The following PCDHGA7 variants were observed in gnomAD, a reference collection of about 807,000 sequenced individuals.
PCDHGA7 encodes protocadherin gamma subfamily A, 7.
PCDHGA7 carries 44 observed loss-of-function variants against 58.3 expected under a neutral mutation model. The ratio of observed to expected loss-of-function variants is 0.75; its 90% CI spans 0.59 to 0.97. The LOEUF is 0.97. Ranked by LOEUF, PCDHGA7 falls within the 50% of genes least tolerant of loss-of-function variation. The pLI is 0.00. For missense variants in PCDHGA7, 1,266 were observed against 1,188.7 expected, an observed-to-expected ratio of 1.06 and a Z score of -0.96; for synonymous variants, 516 against 504.2, an observed-to-expected ratio of 1.02 and a Z score of -0.31.
rs199973289 is a variant in PCDHGA7, at chr5:141,393,414, G to A, written c.2424+8091G>A. On this transcript the variant is annotated intron_variant, in intron 1 of 3. Transcript: ENST00000518325. ...AGAGCTGGTGCTGGAGCGCGCCCTG[G>A]ACAGGGAGGAAGAGGCTGCTCACCA... 7 of 1,614,038 alleles carry A rather than the reference G, an allele frequency of 4.3e-6. No individual in the cohort carries two copies. In the East Asian group the frequency reaches 1.3e-4, roughly 31 times the overall value.
rs1386737349 is a variant in PCDHGA7 at position 141,486,423 on chromosome 5, C to T, written c.2425-8384C>T. The T allele has an allele frequency of 6.2e-7, 1 of 1,614,042 alleles. No individual in the cohort carries two copies. The highest frequency in any genetic ancestry group is 8.5e-7 in the Non-Finnish European group (1 of 1,180,030). ...ACTGCTGGACCCTTGGATCGAGAGG[C>T]CAAATCTAGCTATGACATCATGGTC... is the stretch of plus-strand genomic sequence containing the variant. On this transcript the variant is annotated intron_variant, in intron 1 of 3. Transcript: ENST00000518325. The surrounding 1 kb of genome is among the most constrained non-coding windows in gnomAD (Gnocchi z 5.0).
intron 1 of PCDHGA7, chr5:141,400,270 T>G: frequency 6.2e-7 from 1 of 1,614,058 alleles, no homozygotes; most frequent in Non-Finnish European, 8.5e-7. Flanking sequence ...GCGACGCTCC[T>G]CCAGCCCTGC....
In PCDHGA7 at chr5:141,384,334, C is replaced by T; in HGVS notation, c.1435C>T (p.His479Tyr). 6.2e-7 allele frequency: 1 copy of T among 1,613,846 alleles called. No homozygotes were observed. Residue 479 changes from histidine to tyrosine, a missense_variant, in exon 1 of 4, where the codon CAC (histidine) becomes TAC (tyrosine). By Grantham distance (83) the His-to-Tyr change is moderately conservative (BLOSUM62 2). Transcript: ENST00000518325. ...ASIFLVTAQD[H>Y]DSEDNAQITY... ...CATTTTCTTAGTGACTGCACAGGAC[C>T]ACGACAGTGAGGATAATGCCCAGAT...
chr5:141,409,188 C>T lies in PCDHGA7; in HGVS notation c.2424+23865C>T, dbSNP rs1487313582. ...GCGAAGGACGGAGGTGGTCTCTCTA[C>T]CCAGTGTAAAGTAATCATAGAAATC... On this transcript the variant is annotated intron_variant, in intron 1 of 3. Transcript: ENST00000518325. 9 of 1,613,880 alleles carry T rather than the reference C, an allele frequency of 5.6e-6. No homozygotes were observed. In the Admixed American group the frequency reaches 8.3e-5, roughly 15 times the overall value.
intron 1 of PCDHGA7, chr5:141,394,449 A>T: frequency 6.2e-7 from 1 of 1,614,230 alleles, no homozygotes; most frequent in Non-Finnish European, 8.5e-7. Context: ...CAGCAGCAAC[A>T]TGTCACTGAG....
chr5:141,385,638 T>C lies in PCDHGA7; in HGVS notation c.2424+315T>C, dbSNP rs773812795. 80 of 831,646 alleles carry C rather than the reference T, an allele frequency of 9.6e-5. 1 individual carries two copies. Among genetic ancestry groups the C allele is most frequent in the Non-Finnish European group, 1.2e-4 (78 of 652,914 alleles). 51.5% of individuals were successfully genotyped at this position (831,646 alleles called of 1,614,324 possible). A position where few individuals can be genotyped will look rare whatever the true frequency, so the allele number is the denominator to read the frequency against. ...TATACATTGGAATGAATCGAGTCTT[T>C]CATATTGCACAAGGTTAGCAGGAAT... is the stretch of plus-strand genomic sequence containing the variant. On this transcript the variant is annotated intron_variant, in intron 1 of 3. Transcript: ENST00000518325.
Position 141,383,719 on chromosome 5 carries a change from A to C in PCDHGA7, c.820A>C (p.Asn274His), listed in dbSNP as rs779948364. The C allele has an allele frequency of 6.2e-6, 10 of 1,613,982 alleles. No individual in the cohort carries two copies. The East Asian group carries it at 2.2e-4, about 36-fold the overall frequency. Reference protein sequence around the residue: ...VHAIDLDEGVNGEVTYSFRKI... With the variant: ...VHAIDLDEGVHGEVTYSFRKI... ...TGCTATCGACCTGGACGAGGGAGTCAATGGGGAAGTGACATATTCTTTTCG... is the reference window on the plus strand; with the variant it reads ...TGCTATCGACCTGGACGAGGGAGTCCATGGGGAAGTGACATATTCTTTTCG... Residue 274 changes from asparagine to histidine, a missense_variant, in exon 1 of 4, where the codon AAT becomes CAT. Transcript: ENST00000518325.
intron 1 of PCDHGA7, among the ~76,000 whole-genome samples, chr5:141,473,017 AGAAG>A (rs1484773075): frequency 7.0e-4 from 107 of 151,874 alleles, no homozygotes; most frequent in Middle Eastern, 3.4e-3. Flanking sequence ...AGAAAAAGAA[AGAAG>A]GAAGGAAGGA....
At position 141,468,868 on chromosome 5, in the gene PCDHGA7, A is replaced by AAAT. The variant is rs993655754; in HGVS notation, c.2425-25921_2425-25919dup. Among the ~76,000 whole-genome samples, 30 of 151,912 alleles carry AAAT rather than the reference A, an allele frequency of 2.0e-4. No homozygotes were observed. The East Asian group carries it at 4.3e-3, about 22-fold the overall frequency. On this transcript the variant is annotated intron_variant, in intron 1 of 3. Coordinates refer to ENST00000518325, the MANE Select transcript of PCDHGA7 (RefSeq NM_018920.4). ...GCAACAGAGCGAGACTCCATCTCAAAAATAATAATAATAATAATAAGGTAC... is the reference window on the plus strand; with the variant it reads ...GCAACAGAGCGAGACTCCATCTCAAAAATAATAATAATAATAATAATAAGGTAC...
chr5:141,450,278 G>A (rs977381598), intron 1 of PCDHGA7, among the ~76,000 whole-genome samples: 1 of 152,026 alleles, frequency 6.6e-6, no homozygotes, highest in Non-Finnish European at 1.5e-5. Flanking sequence ...TCAGCTAAGT[G>A]CTGGGATTAC....
chr5:141,465,995 A>C lies in PCDHGA7; in HGVS notation c.2425-28812A>C, dbSNP rs551920109. On this transcript the variant is annotated intron_variant, in intron 1 of 3. Coordinates refer to ENST00000518325, the MANE Select transcript of PCDHGA7 (RefSeq NM_018920.4). ...AAATTAGCCGGGCATGGTGGCAGGC[A>C]CCTGTAGTCCCAGCTACTCGGGAGG... Among the ~76,000 whole-genome samples the C allele has an allele frequency of 1.3e-4, 20 of 151,982 alleles. No homozygotes were observed. In the South Asian group the frequency reaches 4.2e-3, roughly 32 times the overall value.
At position 141,486,873 on chromosome 5, in the gene PCDHGA7, G is replaced by A. The variant is rs769661146; in HGVS notation, c.2425-7934G>A. On this transcript the variant is annotated intron_variant, in intron 1 of 3. Transcript: ENST00000518325. This position sits in a 1 kb window ranked among gnomAD's most constrained non-coding sequence, Gnocchi z 5.0. ...AATGACAATGCTCCAGCTGTGCTCCGTCCTCGGGCCCGGCCTGGTTCCTTA... is the reference window on the plus strand; with the variant it reads ...AATGACAATGCTCCAGCTGTGCTCCATCCTCGGGCCCGGCCTGGTTCCTTA... 1.6e-5 allele frequency: 26 copies of A among 1,614,082 alleles called. No individual in the cohort carries two copies. Among genetic ancestry groups the A allele is most frequent in the African/African-American group, 4.0e-5 (3 of 74,922 alleles).
rs1223986597 is a variant in PCDHGA7, at chr5:141,417,300, A to G, written c.2424+31977A>G. The G allele has an allele frequency of 2.0e-5, 3 of 152,440 alleles. No homozygotes were observed. In the East Asian group the frequency reaches 5.8e-4, roughly 29 times the overall value. The allele number at this position is 152,440 out of a possible 1,614,324, so 9.4% of individuals were successfully genotyped here. ...AAGGAACAAGAATGACTGCCTCTGG[A>G]TGGAGGAATTGGATAGCAATGGGCC... On this transcript the variant is annotated intron_variant, in intron 1 of 3. Coordinates refer to ENST00000518325, the MANE Select transcript of PCDHGA7 (RefSeq NM_018920.4).
intron 1 of PCDHGA7, among the ~76,000 whole-genome samples, chr5:141,452,103 TTTCTC>T (rs1428635203): frequency 1.3e-5 from 2 of 152,186 alleles, no homozygotes; most frequent in African/African-American, 4.8e-5. Context: ...AGAGCTTTCT[TTTCTC>T]TTCTTATTTA....
At chr5:141,393,316 A>T (rs2092726404) in intron 1 of PCDHGA7, 2 of 1,612,964 alleles carry the variant, frequency 1.2e-6, no homozygotes, top group Non-Finnish European at 1.7e-6. Flanking sequence ...AACTCCCTCC[A>T]GAGCTACCAG....
At position 141,487,033 on chromosome 5, in the gene PCDHGA7, A is replaced by C. The variant is rs1465525110; in HGVS notation, c.2425-7774A>C. ...AGGCCCCAGATCCCAGCCTGTTTGC[A>C]GTCTCTCGATATGCTGGGGAGGTGC... On this transcript the variant is annotated intron_variant, in intron 1 of 3. Transcript: ENST00000518325. This position sits in a 1 kb window ranked among gnomAD's most constrained non-coding sequence, Gnocchi z 5.0. 3 of 1,614,160 alleles carry C rather than the reference A, an allele frequency of 1.9e-6. No individual in the cohort carries two copies. Among genetic ancestry groups the C allele is most frequent in the Non-Finnish European group, 2.5e-6 (3 of 1,180,032 alleles).
intron 1 of PCDHGA7, among the ~76,000 whole-genome samples, chr5:141,397,268 T>C (rs532503951): frequency 2.0e-5 from 3 of 152,180 alleles, no homozygotes; most frequent in African/African-American, 7.2e-5. Flanking sequence ...CTTAGCTACA[T>C]CATATGGGCA....
At chr5:141,449,588 CAAAAAAA>C (rs768743917) in intron 1 of PCDHGA7, among the ~76,000 whole-genome samples, 5 of 57,506 alleles carry the variant, frequency 8.7e-5, no homozygotes, top group Admixed American at 3.6e-4. Flanking sequence ...GACTCTGTCT[CAAAAAAA>C]AAAAAAAAAA....
chr5:141,410,809 G>C, intron 1 of PCDHGA7: 1 of 292,002 alleles, frequency 3.4e-6, no homozygotes, highest in Admixed American at 5.8e-5. Flanking sequence ...CTATCTTTTT[G>C]TAAAATAATG....
Sources: allele counts gnomAD v4.1 joint callset (sites outside exome capture counted in the v4.1 genomes callset), GRCh38; gene constraint gnomAD v4.1.1; non-coding constraint Gnocchi (gnomAD v3.1); transcripts MANE v1.5; gene names NCBI Gene and HGNC (gene_info 2026-07-23, HGNC 2026-07-21).